Variants in RALGDS observed in about 807,000 individuals in gnomAD.
RALGDS encodes the protein ral guanine nucleotide dissociation stimulator, also known as ral guanine nucleotide exchange factor.
Under a neutral mutation model 99.8 loss-of-function variants are expected in RALGDS, and 44 were observed. The ratio of observed to expected loss-of-function variants is 0.44; its 90% CI spans 0.35 to 0.57. The LOEUF is 0.57. Among genes scored for constraint, RALGDS ranks in the 20% least tolerant of loss-of-function variants. The pLI, the probability that RALGDS is intolerant of heterozygous loss-of-function variation, is 0.01. For missense variants in RALGDS, 1,022 were observed against 1,203.1 expected (o/e 0.85, Z 2.23); for synonymous variants, 529 against 505.0 (o/e 1.05, Z -0.64).
At chr9:133,124,609 A>G (rs1318362388), upstream of RALGDS, among the ~76,000 whole-genome samples, 1 of 152,222 alleles carries the variant, frequency 6.6e-6, no homozygotes, top group African/African-American at 2.4e-5. Flanking sequence ...AGACAGAAAC[A>G]CAGATACACA....
intron 1 of RALGDS, among the ~76,000 whole-genome samples, 158 bp from the exon 2 acceptor site, chr9:133,112,310 A>G (rs115245917): frequency 0.032 from 4,889 of 152,002 alleles, 279 homozygotes; most frequent in African/African-American, 0.11. Context: ...ACAGCTCGAG[A>G]GCCACTGTCC....
Position 133,098,420 on chromosome 9 carries a change from G to A in RALGDS, c.*167C>T. On this transcript the variant is annotated 3_prime_UTR_variant, in exon 18 of 18. Transcript: ENST00000372050. ...GAGTGGTCCACGGGAGGCCAGGTCA[G>A]CCTGACCAATGGCAGGCGTCAATCC... is the stretch of plus-strand genomic sequence containing the variant. 1 of 731,556 alleles carries A rather than the reference G, an allele frequency of 1.4e-6. No homozygotes were observed. 45.3% of individuals were successfully genotyped at this position (731,556 alleles called of 1,614,324 possible). A position where few individuals can be genotyped will look rare whatever the true frequency, so the allele number is the denominator to read the frequency against.
In RALGDS at chr9:133,108,438, AGCCTTTCCTGT is replaced by A. The variant is rs754819534; in HGVS notation, c.779-43_779-33del. 5.2e-6 allele frequency: 8 copies of A among 1,526,792 alleles called. No individual in the cohort carries two copies. The South Asian group carries it at 7.2e-5, about 14-fold the overall frequency. 94.6% of individuals were successfully genotyped at this position (1,526,792 alleles called of 1,614,324 possible). On this transcript the variant is annotated intron_variant, in intron 5 of 17. Transcript: ENST00000372050. ...GAGGAGAAAAGTTCAACAACATGCC[AGCCTTTCCTGT>A]GCCTTTCCAAAGACACAGAACAGCC...
chr9:133,122,830 G>A (rs112751258), upstream of RALGDS, among the ~76,000 whole-genome samples: 426 of 152,158 alleles, frequency 2.8e-3, 3 homozygotes, highest in African/African-American at 9.7e-3. Context: ...TCAGCCTCTC[G>A]AGGAGCTGGG....
upstream of RALGDS, among the ~76,000 whole-genome samples, chr9:133,134,588 C>T (rs1381941176): frequency 6.6e-6 from 1 of 152,214 alleles, no homozygotes; most frequent in East Asian, 1.9e-4. Flanking sequence ...TTCCTCTACT[C>T]TGTTCCAAAT....
upstream of RALGDS, among the ~76,000 whole-genome samples, chr9:133,124,957 C>T (rs1420139584): frequency 2.0e-5 from 3 of 152,394 alleles, no homozygotes; most frequent in South Asian, 6.2e-4. Context: ...ATGTTCAACA[C>T]ACCACAAGGG....
chr9:133,102,626 C>T (rs759524241), intron 13 of RALGDS, 55 bp from the exon 14 acceptor site: 30 of 1,607,632 alleles, frequency 1.9e-5, no homozygotes, highest in Non-Finnish European at 2.5e-5. Context: ...CGGCCTTCCC[C>T]CAGCACCTGC....
chr9:133,102,363 G>T, intron 14 of RALGDS, 113 bp downstream of exon 14: 1 of 1,265,834 alleles, frequency 7.9e-7, no homozygotes, highest in Non-Finnish European at 1.1e-6. Context: ...GGGCCAGTCA[G>T]CAGCAGGGTA....
upstream of RALGDS, among the ~76,000 whole-genome samples, chr9:133,125,731 G>A (rs976068095): frequency 7.9e-5 from 12 of 152,090 alleles, no homozygotes; most frequent in Middle Eastern, 0.014. Context: ...GCAAGACTCC[G>A]TCTCAAAAAA....
At chr9:133,124,450 G>C (rs939548849), upstream of RALGDS, among the ~76,000 whole-genome samples, 4 of 152,108 alleles carry the variant, frequency 2.6e-5, no homozygotes. Flanking sequence ...GGGAGGCAGA[G>C]GCAGGATTTC....
chr9:133,120,428 A>ACCCCCCCCCC (rs71378548), intron 1 of RALGDS, among the ~76,000 whole-genome samples: 33 of 59,990 alleles, frequency 5.5e-4, no homozygotes, highest in Non-Finnish European at 6.4e-4. Context: ...CCATCCCCCG[A>ACCCCCCCCCC]CCCCCCCCCC....
In RALGDS at chr9:133,119,790, GTCTCTC is replaced by G. The variant is rs1831820992; in HGVS notation, c.183+1176_183+1181del. Among the ~76,000 whole-genome samples, 113 of 152,106 alleles carry G rather than the reference GTCTCTC, an allele frequency of 7.4e-4. 3 individuals are homozygous for G. Among genetic ancestry groups the G allele is most frequent in the Admixed American group, 7.3e-3 (112 of 15,286 alleles). The stretch of plus-strand genomic sequence containing the variant: ...CATCTGCCAAGCTCAGGAGGAAAGG[GTCTCTC>G]AGGCGTGTGGTGTTCCCCCACCAAG... On this transcript the variant is annotated intron_variant, in intron 1 of 17. Coordinates refer to ENST00000372050, the MANE Select transcript of RALGDS (RefSeq NM_006266.4).
At chr9:133,109,064 C>T (rs1456181819) in intron 4 of RALGDS, among the ~76,000 whole-genome samples, 198 bp from the exon 5 acceptor site, 1 of 152,218 alleles carries the variant, frequency 6.6e-6, no homozygotes, top group East Asian at 1.9e-4. Context: ...CCGCCCACAG[C>T]TCTGCATGTC....
At chr9:133,122,955 C>T (rs758521541), upstream of RALGDS, among the ~76,000 whole-genome samples, 6 of 152,098 alleles carry the variant, frequency 3.9e-5, no homozygotes, top group South Asian at 6.2e-4. Context: ...CCGCTCGCCT[C>T]GGCCTCCCAA....
At chr9:133,132,187 A>T (rs190749638), upstream of RALGDS, among the ~76,000 whole-genome samples, 403 of 152,352 alleles carry the variant, frequency 2.6e-3, 4 homozygotes, top group Admixed American at 7.3e-3. Context: ...GCACACACAG[A>T]TGGGTACTGC....
At chr9:133,137,932 CCT>C (rs1219872476) in intron 1 of RALGDS, among the ~76,000 whole-genome samples, 1 of 152,358 alleles carries the variant, frequency 6.6e-6, no homozygotes, top group African/African-American at 2.4e-5. Context: ...CAGTCAGGCC[CCT>C]GTGTCCAGCA....
At chr9:133,133,633 T>C (rs1010659442), upstream of RALGDS, among the ~76,000 whole-genome samples, 11 of 152,166 alleles carry the variant, frequency 7.2e-5, no homozygotes, top group African/African-American at 2.4e-4. Flanking sequence ...GAGCTGGGCC[T>C]AGTGAGGGCC....
intron 14 of RALGDS, 108 bp downstream of exon 14, chr9:133,102,368 A>G: frequency 7.7e-7 from 1 of 1,291,582 alleles, no homozygotes; most frequent in South Asian, 1.2e-5. Context: ...AGTCAGCAGC[A>G]GGGTAGGATT....
chr9:133,146,560 C>T (rs1328122732), intron 1 of RALGDS, among the ~76,000 whole-genome samples: 1 of 152,208 alleles, frequency 6.6e-6, no homozygotes, highest in Non-Finnish European at 1.5e-5. Flanking sequence ...TCCACACTGG[C>T]CCCAGAGATC....
Sources: allele counts gnomAD v4.1 joint callset (sites outside exome capture counted in the v4.1 genomes callset), GRCh38; gene constraint gnomAD v4.1.1; transcripts MANE v1.5; gene names NCBI Gene and HGNC (gene_info 2026-07-23, HGNC 2026-07-21).